Variants in OLFM3 observed in about 807,000 individuals in gnomAD.
OLFM3 encodes olfactomedin 3, also known as noelin-3.
In OLFM3, 20 loss-of-function variants were observed where a neutral mutation model predicts 48.6. That is an observed-to-expected ratio of 0.41 (90% CI 0.29 to 0.60). The LOEUF (loss-of-function observed/expected upper bound fraction) is 0.60. Among genes scored for constraint, OLFM3 ranks in the 20% least tolerant of loss-of-function variants. The pLI, the probability that OLFM3 is intolerant of heterozygous loss-of-function variation, is 0.28. For missense variants in OLFM3, 437 were observed against 544.3 expected (o/e 0.80, Z 1.96); for synonymous variants, 222 against 198.1 (o/e 1.12, Z -1.01).
At chr1:101,853,803 T>C (rs1025712892) in intron 1 of OLFM3, among the ~76,000 whole-genome samples, 2 of 152,096 alleles carry the variant, frequency 1.3e-5, no homozygotes, top group African/African-American at 4.8e-5. Flanking sequence ...ACGTGGGTAA[T>C]GGATAGTGAA....
At chr1:101,974,814 A>G (rs909043350) in intron 1 of OLFM3, among the ~76,000 whole-genome samples, 2 of 152,108 alleles carry the variant, frequency 1.3e-5, no homozygotes, top group Non-Finnish European at 2.9e-5. Flanking sequence ...TATAAGCCCC[A>G]TGTAGTAGGG....
intron 1 of OLFM3, among the ~76,000 whole-genome samples, chr1:101,866,707 T>A (rs1301359575): frequency 6.6e-6 from 1 of 152,180 alleles, no homozygotes; most frequent in Non-Finnish European, 1.5e-5. Flanking sequence ...TACATAAAAA[T>A]TTTTGCAATT....
intron 1 of OLFM3, among the ~76,000 whole-genome samples, chr1:101,885,530 T>A (rs892313958): frequency 6.6e-6 from 1 of 152,064 alleles, no homozygotes; most frequent in African/African-American, 2.4e-5. Context: ...TTCCATCTCC[T>A]TCACCTCTTC....
chr1:101,862,976 T>C (rs1656713738), intron 1 of OLFM3, among the ~76,000 whole-genome samples: 1 of 150,304 alleles, frequency 6.7e-6, no homozygotes, highest in Non-Finnish European at 1.5e-5. Flanking sequence ...TTGGTAAAAA[T>C]AAATCCTATG....
At chr1:101,836,850 A>C in intron 2 of OLFM3, 29 bp downstream of exon 2, 1 of 1,609,136 alleles carries the variant, frequency 6.2e-7, no homozygotes, top group East Asian at 2.2e-5. Context: ...TTTTACTAAA[A>C]ATATGCATAG....
At chr1:101,988,613 T>C (rs184151566) in intron 1 of OLFM3, among the ~76,000 whole-genome samples, 3 of 152,230 alleles carry the variant, frequency 2.0e-5, no homozygotes, top group African/African-American at 7.2e-5. Flanking sequence ...ATTTCAAGTT[T>C]ATTAGGTGTT....
At chr1:101,981,603 TA>T (rs1661108187) in intron 1 of OLFM3, among the ~76,000 whole-genome samples, 1 of 152,214 alleles carries the variant, frequency 6.6e-6, no homozygotes, top group African/African-American at 2.4e-5. Context: ...GAACTTCAAA[TA>T]ACAGCTGCCT....
At chr1:101,861,816 T>C (rs1296827542) in intron 1 of OLFM3, among the ~76,000 whole-genome samples, 1 of 152,168 alleles carries the variant, frequency 6.6e-6, no homozygotes, top group African/African-American at 2.4e-5. Context: ...ATCTTCAAAT[T>C]AGAGATTATA....
At chr1:101,949,675 A>C (rs965214292) in intron 1 of OLFM3, among the ~76,000 whole-genome samples, 1 of 152,150 alleles carries the variant, frequency 6.6e-6, no homozygotes, top group Non-Finnish European at 1.5e-5. Context: ...TCACGCCTGT[A>C]ATCCTAGCAC....
At chr1:101,869,599 T>TGAGTA (rs1656994691) in intron 1 of OLFM3, among the ~76,000 whole-genome samples, 1 of 152,090 alleles carries the variant, frequency 6.6e-6, no homozygotes, top group South Asian at 2.1e-4. Flanking sequence ...TTATGAAATG[T>TGAGTA]GAGTACATGA....
At chr1:101,866,613 C>T (rs1215861908) in intron 1 of OLFM3, among the ~76,000 whole-genome samples, 1 of 152,020 alleles carries the variant, frequency 6.6e-6, no homozygotes, top group Non-Finnish European at 1.5e-5. Flanking sequence ...AATTAAATAA[C>T]ATTTAATAGT....
intron 1 of OLFM3, among the ~76,000 whole-genome samples, chr1:101,933,602 A>C (rs1039785224): frequency 6.6e-6 from 1 of 152,162 alleles, no homozygotes; most frequent in Non-Finnish European, 1.5e-5. Context: ...CAAATTTAGA[A>C]AATGCAGAGA....
intron 1 of OLFM3, among the ~76,000 whole-genome samples, chr1:101,910,753 A>G (rs1406494808): frequency 6.6e-6 from 1 of 152,176 alleles, no homozygotes; most frequent in Non-Finnish European, 1.5e-5. Flanking sequence ...TACAGATCCT[A>G]AAATAGCACA....
chr1:101,915,563 C>T (rs952109761), intron 1 of OLFM3, among the ~76,000 whole-genome samples: 4 of 152,098 alleles, frequency 2.6e-5, no homozygotes, highest in African/African-American at 9.7e-5. Context: ...TACAATATCT[C>T]TCCTCTCTTA....
chr1:101,867,804 C>T (rs1046040282), intron 1 of OLFM3, among the ~76,000 whole-genome samples: 3 of 152,076 alleles, frequency 2.0e-5, no homozygotes, highest in Non-Finnish European at 4.4e-5. Context: ...TGGCTATGTC[C>T]CCATCCAAAT....
chr1:101,907,515 C>T (rs938767362), intron 1 of OLFM3, among the ~76,000 whole-genome samples: 1 of 152,154 alleles, frequency 6.6e-6, no homozygotes, highest in Non-Finnish European at 1.5e-5. Context: ...TTCTGTGATG[C>T]TAATTAGCAG....
At chr1:101,907,273 C>G (rs1037740162) in intron 1 of OLFM3, among the ~76,000 whole-genome samples, 31 of 152,090 alleles carry the variant, frequency 2.0e-4, no homozygotes, top group Non-Finnish European at 4.4e-4. Context: ...AATACACAAC[C>G]CACATATACA....
intron 3 of OLFM3, among the ~76,000 whole-genome samples, chr1:101,826,198 C>A (rs1654858194): frequency 6.6e-6 from 1 of 151,720 alleles, no homozygotes; most frequent in Non-Finnish European, 1.5e-5. Context: ...CAAGCAGTAT[C>A]CCTCACCCCT....
intron 1 of OLFM3, among the ~76,000 whole-genome samples, chr1:101,952,530 TGTA>T (rs1446887870): frequency 1.3e-5 from 2 of 152,092 alleles, no homozygotes; most frequent in Non-Finnish European, 2.9e-5. Flanking sequence ...GAAAAAGAGA[TGTA>T]GTATTATAAA....
Sources: allele counts gnomAD v4.1 joint callset (sites outside exome capture counted in the v4.1 genomes callset), GRCh38; gene constraint gnomAD v4.1.1; transcripts MANE v1.5; gene names NCBI Gene and HGNC (gene_info 2026-07-23, HGNC 2026-07-21).